Variants in AQP7B observed in about 807,000 individuals in gnomAD.
The protein encoded by AQP7B is putative aquaporin-7B.
chr2:94,594,743 G>T, the AQP7B span: 3 of 1,565,294 alleles, frequency 1.9e-6, no homozygotes, highest in Non-Finnish European at 2.6e-6. Flanking sequence ...CACTGTCTCA[G>T]GTCCACCCGT....
chr2:94,601,627 T>A, the AQP7B span, among the ~76,000 whole-genome samples: 1 of 152,022 alleles, frequency 6.6e-6, no homozygotes, highest in Non-Finnish European at 1.5e-5. Context: ...GCCAGTGTGT[T>A]CTCTCCTGCA....
chr2:94,602,560 C>A, the AQP7B span: 1 of 1,604,406 alleles, frequency 6.2e-7, no homozygotes, highest in Non-Finnish European at 8.5e-7. Flanking sequence ...TTGGTGTCAA[C>A]TTGGGTTTTG....
the AQP7B span, chr2:94,603,114 G>C: frequency 6.4e-7 from 1 of 1,568,750 alleles, no homozygotes; most frequent in Non-Finnish European, 8.7e-7. Flanking sequence ...TCCAGTCCAT[G>C]TGCTGGGGCA....
At chr2:94,597,321 T>A in the AQP7B span, among the ~76,000 whole-genome samples, 2 of 152,154 alleles carry the variant, frequency 1.3e-5, no homozygotes, top group Non-Finnish European at 2.9e-5. Flanking sequence ...CTCTGAGAGC[T>A]GTTAGGGAAA....
At chr2:94,589,689 C>T in the AQP7B span, among the ~76,000 whole-genome samples, 4 of 152,098 alleles carry the variant, frequency 2.6e-5, no homozygotes, top group African/African-American at 4.8e-5. Flanking sequence ...TAGCCTACGT[C>T]TCTTTCCAGG....
the AQP7B span, among the ~76,000 whole-genome samples, chr2:94,588,992 T>C: frequency 6.7e-6 from 1 of 149,478 alleles, no homozygotes; most frequent in Non-Finnish European, 1.5e-5. Flanking sequence ...TCTTTTTTTT[T>C]TTTTTTTTGA....
chr2:94,604,442 G>T, the AQP7B span: 2,796 of 1,611,444 alleles, frequency 1.7e-3, 10 homozygotes, highest in South Asian at 2.9e-3. Flanking sequence ...CGGGATAACC[G>T]TATTGCCCAA....
the AQP7B span, among the ~76,000 whole-genome samples, chr2:94,601,430 C>G: frequency 1.3e-5 from 2 of 152,218 alleles, no homozygotes; most frequent in African/African-American, 4.8e-5. Flanking sequence ...GGCTCCCCCA[C>G]AGAGGTGACG....
the AQP7B span, among the ~76,000 whole-genome samples, chr2:94,595,092 G>A: frequency 6.6e-6 from 1 of 152,130 alleles, no homozygotes; most frequent in Non-Finnish European, 1.5e-5. Flanking sequence ...CATGCACTGG[G>A]GTATCCGGGG....
the AQP7B span, among the ~76,000 whole-genome samples, chr2:94,589,274 G>T: frequency 2.0e-5 from 3 of 152,020 alleles, no homozygotes; most frequent in African/African-American, 4.8e-5. Context: ...CTCCCAAAAG[G>T]TTGGGATTAC....
At chr2:94,591,185 TGTAA>T in the AQP7B span, among the ~76,000 whole-genome samples, 11 of 152,028 alleles carry the variant, frequency 7.2e-5, no homozygotes, top group Non-Finnish European at 8.8e-5. Flanking sequence ...CAAATGTGTC[TGTAA>T]GTGAGACCAC....
At chr2:94,594,855 G>T in the AQP7B span, 2 of 1,554,374 alleles carry the variant, frequency 1.3e-6, no homozygotes, top group African/African-American at 2.7e-5. Context: ...CCGAGTTCAT[G>T]AGCACATATG....
chr2:94,589,995 G>T, the AQP7B span, among the ~76,000 whole-genome samples: 1 of 151,904 alleles, frequency 6.6e-6, no homozygotes, highest in Non-Finnish European at 1.5e-5. Context: ...GCCACCACCC[G>T]CCCATTCTTC....
chr2:94,600,149 C>T, the AQP7B span, among the ~76,000 whole-genome samples: 1 of 152,186 alleles, frequency 6.6e-6, no homozygotes, highest in East Asian at 1.9e-4. Context: ...GGATTACAGG[C>T]ATGAGCCACC....
chr2:94,588,846 T>C, the AQP7B span, among the ~76,000 whole-genome samples: 10 of 151,928 alleles, frequency 6.6e-5, no homozygotes, highest in African/African-American at 2.2e-4. Flanking sequence ...CTCAGCTGTC[T>C]TTGGGGTGAA....
the AQP7B span, among the ~76,000 whole-genome samples, chr2:94,598,587 G>A: frequency 6.6e-6 from 1 of 152,196 alleles, no homozygotes; most frequent in African/African-American, 2.4e-5. Flanking sequence ...AAGCTGTATA[G>A]CTGCCGCCAC....
the AQP7B span, chr2:94,602,956 T>C: frequency 1.4e-6 from 2 of 1,432,140 alleles, no homozygotes; most frequent in Non-Finnish European, 1.9e-6. Flanking sequence ...TCATACACAC[T>C]AGCCATCGTT....
At chr2:94,594,613 C>A in the AQP7B span, 1 of 639,742 alleles carries the variant, frequency 1.6e-6, no homozygotes, top group East Asian at 2.8e-5. Flanking sequence ...TCCCAGCTGC[C>A]CCGGGCAAGA....
At chr2:94,591,675 A>G in the AQP7B span, among the ~76,000 whole-genome samples, 1 of 150,126 alleles carries the variant, frequency 6.7e-6, no homozygotes, top group African/African-American at 2.5e-5. Flanking sequence ...TGCCACCTCC[A>G]CTCCTCCGTG....
Sources: gnomAD v4.1 joint callset for allele counts (sites outside exome capture counted in the v4.1 genomes callset) on GRCh38, gnomAD v4.1.1 for gene constraint, MANE v1.5 for transcripts, NCBI Gene and HGNC (gene_info 2026-07-23, HGNC 2026-07-21) for gene names.